XKR4: variants seen among roughly 807,000 people sequenced by gnomAD.
XKR4 encodes XK related 4.
Under a neutral mutation model 53.9 loss-of-function variants are expected in XKR4, and 12 were observed. The observed-to-expected ratio is 0.22, with a 90% CI of 0.14 to 0.36. The LOEUF (loss-of-function observed/expected upper bound fraction) is 0.36, where lower values mean the gene tolerates loss of function less well. XKR4 is among the 10% of genes least tolerant of loss of function. XKR4 has a pLI of 1.00. For synonymous variants in XKR4, 354 were observed against 362.4 expected, an observed-to-expected ratio of 0.98 and a Z score of 0.26; for missense variants, 799 against 859.5, an observed-to-expected ratio of 0.93 and a Z score of 0.88.
chr8:55,302,609 T>G (rs984522521), intron 1 of XKR4, among the ~76,000 whole-genome samples: 1 of 152,184 alleles, frequency 6.6e-6, no homozygotes, highest in South Asian at 2.1e-4. Context: ...TTCATGATAT[T>G]GATTCTTCCT....
At chr8:55,221,598 T>C (rs1817882111) in intron 1 of XKR4, among the ~76,000 whole-genome samples, 1 of 152,172 alleles carries the variant, frequency 6.6e-6, no homozygotes, top group Admixed American at 6.5e-5. Flanking sequence ...TTGGTGACCC[T>C]CTTTGCATTG....
At chr8:55,462,845 C>T (rs1028249468) in intron 2 of XKR4, among the ~76,000 whole-genome samples, 2 of 152,102 alleles carry the variant, frequency 1.3e-5, no homozygotes, top group African/African-American at 4.8e-5. Flanking sequence ...GTAAAACAGA[C>T]TTTAAACCAA....
intron 2 of XKR4, among the ~76,000 whole-genome samples, chr8:55,459,651 A>C (rs540195008): frequency 6.6e-6 from 1 of 152,318 alleles, no homozygotes; most frequent in South Asian, 2.1e-4. Context: ...CCAAAAACAC[A>C]TACACAGAAA....
At chr8:55,295,141 G>C (rs1819084103) in intron 1 of XKR4, among the ~76,000 whole-genome samples, 1 of 152,184 alleles carries the variant, frequency 6.6e-6, no homozygotes, top group African/African-American at 2.4e-5. Context: ...TAGCTGTAAA[G>C]GGAAGGAATC....
intron 1 of XKR4, among the ~76,000 whole-genome samples, chr8:55,159,330 C>G (rs1440851745): frequency 2.0e-5 from 3 of 152,106 alleles, no homozygotes; most frequent in Non-Finnish European, 4.4e-5. Context: ...TGTCGATGAA[C>G]AAAGCAAACA....
rs1807072203 is a variant in XKR4 at position 55,539,431 on chromosome 8, T to C, written c.*15204T>C. 6.6e-6 allele frequency: 1 copy of C among 152,208 alleles called. No homozygotes were observed. Among genetic ancestry groups the C allele is most frequent in the Non-Finnish European group, 1.5e-5 (1 of 68,038 alleles). 9.4% of individuals were successfully genotyped at this position (152,208 alleles called of 1,614,324 possible). The stretch of plus-strand genomic sequence containing the variant: ...TCTTGTGCTTGGAGCTGACATAAGA[T>C]ACGCACTCAATATAATCTCTTCTGG... On this transcript the variant is annotated 3_prime_UTR_variant, in exon 3 of 3. Coordinates refer to ENST00000327381, the MANE Select transcript of XKR4 (RefSeq NM_052898.2).
chr8:55,422,250 A>G (rs904304270), intron 2 of XKR4, among the ~76,000 whole-genome samples: 3 of 152,276 alleles, frequency 2.0e-5, no homozygotes, highest in Non-Finnish European at 4.4e-5. Flanking sequence ...TATAAAAAAT[A>G]TAAAGTTGAA....
intron 2 of XKR4, among the ~76,000 whole-genome samples, chr8:55,436,259 C>A (rs548942713): frequency 1.3e-5 from 2 of 152,292 alleles, no homozygotes; most frequent in African/African-American, 4.8e-5. Flanking sequence ...TTTTCAATGA[C>A]AATATTTAGC....
chr8:55,155,277 A>G (rs950068811), intron 1 of XKR4, among the ~76,000 whole-genome samples: 26 of 152,208 alleles, frequency 1.7e-4, no homozygotes, highest in Admixed American at 1.7e-3. Flanking sequence ...AAGAAAATGA[A>G]CAACGCTGGT....
chr8:55,174,687 C>T lies in XKR4; in HGVS notation c.806+71393C>T, dbSNP rs182969528. Among the ~76,000 whole-genome samples the T allele has an allele frequency of 3.0e-4, 46 of 152,278 alleles. 1 individual carries two copies. In the East Asian group the frequency reaches 8.3e-3, roughly 28 times the overall value. On this transcript the variant is annotated intron_variant, in intron 1 of 2. Coordinates refer to ENST00000327381, the MANE Select transcript of XKR4 (RefSeq NM_052898.2). ...GAAGGCCTGGGGCTTTGACTTTTTT[C>T]AGTCCTACTTTTTGGGTGGTTGAAG...
intron 2 of XKR4, among the ~76,000 whole-genome samples, chr8:55,392,703 A>T (rs1271477824): frequency 6.6e-6 from 1 of 152,188 alleles, no homozygotes; most frequent in African/African-American, 2.4e-5. Flanking sequence ...AGGTAGAAGG[A>T]TCATTTGAGC....
chr8:55,311,829 C>CAAAAAAAAAA (rs57826022), intron 1 of XKR4, among the ~76,000 whole-genome samples: 38 of 98,540 alleles, frequency 3.9e-4, no homozygotes, highest in Admixed American at 9.9e-4. Flanking sequence ...TGTAATTTAG[C>CAAAAAAAAAA]AAAAAAAAAA....
chr8:55,389,410 C>G (rs534140138), intron 2 of XKR4, among the ~76,000 whole-genome samples: 1 of 151,992 alleles, frequency 6.6e-6, no homozygotes, highest in East Asian at 1.9e-4. Flanking sequence ...GTTCAGAAGG[C>G]CCCAGATTAT....
At chr8:55,461,610 A>T (rs1004331128) in intron 2 of XKR4, among the ~76,000 whole-genome samples, 2 of 152,268 alleles carry the variant, frequency 1.3e-5, no homozygotes, top group Non-Finnish European at 2.9e-5. Context: ...CAGCAACGGA[A>T]CAAAGCTGGA....
intron 1 of XKR4, among the ~76,000 whole-genome samples, chr8:55,296,287 G>T (rs1819100079): frequency 1.3e-5 from 2 of 152,192 alleles, no homozygotes; most frequent in South Asian, 4.1e-4. Flanking sequence ...TGGTTTAGAA[G>T]TTAGTCACAC....
intron 1 of XKR4, among the ~76,000 whole-genome samples, chr8:55,145,166 C>T (rs761109037): frequency 6.6e-6 from 1 of 152,108 alleles, no homozygotes; most frequent in Non-Finnish European, 1.5e-5. Flanking sequence ...CCAACATGTA[C>T]TTCTGCAGGC....
intron 1 of XKR4, among the ~76,000 whole-genome samples, chr8:55,302,728 A>T (rs1218326618): frequency 6.6e-6 from 1 of 152,030 alleles, no homozygotes; most frequent in Non-Finnish European, 1.5e-5. Context: ...TGTAAGTTGG[A>T]TTCCTAGGTA....
At chr8:55,311,977 A>C (rs1032348539) in intron 1 of XKR4, among the ~76,000 whole-genome samples, 5 of 152,146 alleles carry the variant, frequency 3.3e-5, no homozygotes, top group South Asian at 2.1e-4. Context: ...ATTAAAAATT[A>C]AATCAGTAGA....
intron 2 of XKR4, among the ~76,000 whole-genome samples, chr8:55,485,778 C>T (rs1201861758): frequency 6.6e-6 from 1 of 152,084 alleles, no homozygotes; most frequent in Admixed American, 6.5e-5. Context: ...GGTCAGTTGC[C>T]CACTGGGGCA....
Sources: gnomAD v4.1 joint callset for allele counts (sites outside exome capture counted in the v4.1 genomes callset) on GRCh38, gnomAD v4.1.1 for gene constraint, MANE v1.5 for transcripts, NCBI Gene and HGNC (gene_info 2026-07-23, HGNC 2026-07-21) for gene names.